MINDY4B: variants seen among roughly 807,000 people sequenced by gnomAD.
MINDY4B encodes the protein inactive ubiquitin carboxyl-terminal hydrolase MINDY-4B.
MINDY4B carries 25 observed loss-of-function variants against 16.7 expected under a neutral mutation model. The observed-to-expected ratio is 1.49, with a 90% CI of 1.09 to 2.09. The LOEUF (loss-of-function observed/expected upper bound fraction) is 2.09. Ranked by LOEUF, MINDY4B falls within the 30% of genes most tolerant of loss-of-function variation. The pLI, the probability that MINDY4B is intolerant of heterozygous loss-of-function variation, is 0.00. For synonymous variants in MINDY4B, 132 were observed against 61.9 expected, an observed-to-expected ratio of 2.13 and a Z score of -5.32; for missense variants, 327 against 168.4, an observed-to-expected ratio of 1.94 and a Z score of -5.21.
At chr3:150,903,475 T>C (rs1712163205) in intron 2 of MINDY4B, 59 bp from the exon 3 acceptor site, 1 of 398,148 alleles carries the variant, frequency 2.5e-6, no homozygotes, top group South Asian at 1.3e-4. Flanking sequence ...TGACCTTGTT[T>C]TAAATTTTCT....
At position 150,885,385 on chromosome 3, in the gene MINDY4B, G is replaced by C; in HGVS notation, c.807C>G (p.Phe269Leu). The C allele has an allele frequency of 1.4e-6, 1 of 702,752 alleles. No homozygotes were observed. Among genetic ancestry groups the C allele is most frequent in the Non-Finnish European group, 2.6e-6 (1 of 384,828 alleles). 43.5% of individuals were successfully genotyped at this position (702,752 alleles called of 1,614,324 possible). ...GVILFLYSLIFSRTFERLQMD... is the reference protein window; with the variant it reads ...GVILFLYSLILSRTFERLQMD... ...GAATTTACCTTTCAAATGTTCTAGA[G>C]AAGATCAGGCTGTACAGAAACAGGA... Residue 269 changes from phenylalanine (F) to leucine (L), a missense_variant, in exon 8 of 12, where the codon TTC becomes TTG. By Grantham distance (22) the Phe-to-Leu change is conservative. Transcript: ENST00000465419.
intron 7 of MINDY4B, among the ~76,000 whole-genome samples, chr3:150,887,810 T>C (rs1479423237): frequency 6.6e-6 from 1 of 152,134 alleles, no homozygotes; most frequent in Admixed American, 6.5e-5. Flanking sequence ...GAAATCAAGG[T>C]GTAAGAGTAG....
chr3:150,896,283 C>CTT (rs61391683), intron 3 of MINDY4B, among the ~76,000 whole-genome samples: 1 of 151,822 alleles, frequency 6.6e-6, no homozygotes, highest in Admixed American at 6.6e-5. Flanking sequence ...TTCTTATATC[C>CTT]TTTTTTGGAT....
intron 8 of MINDY4B, 52 bp downstream of exon 8, chr3:150,885,316 A>G (rs1397714419): frequency 1.4e-6 from 1 of 696,928 alleles, no homozygotes; most frequent in African/African-American, 1.8e-5. Context: ...TACATTGTTT[A>G]TGTGATCCCA....
chr3:150,898,155 A>T (rs560889206), intron 3 of MINDY4B, among the ~76,000 whole-genome samples: 1 of 152,370 alleles, frequency 6.6e-6, no homozygotes, highest in South Asian at 2.1e-4. Flanking sequence ...AAGTAAATGT[A>T]GGGTGTTATT....
At chr3:150,903,947 T>G (rs1712178455) in intron 2 of MINDY4B, among the ~76,000 whole-genome samples, 1 of 152,244 alleles carries the variant, frequency 6.6e-6, no homozygotes, top group African/African-American at 2.4e-5. Context: ...TCTTGACTGA[T>G]TCTCATGACA....
intron 3 of MINDY4B, among the ~76,000 whole-genome samples, chr3:150,897,411 G>A (rs1029283564): frequency 6.7e-6 from 1 of 150,086 alleles, no homozygotes; most frequent in Non-Finnish European, 1.5e-5. Context: ...AGATTGCAAA[G>A]TACCCTGGGC....
intron 11 of MINDY4B, among the ~76,000 whole-genome samples, chr3:150,872,285 A>G (rs1716989121): frequency 1.3e-5 from 2 of 152,242 alleles, no homozygotes. Context: ...GTGGGTTAAG[A>G]TGTATTTCTC....
At position 150,871,424 on chromosome 3, in the gene MINDY4B, G is replaced by A. The variant is rs114491163; in HGVS notation, c.1241-237C>T. 2.5e-3 allele frequency among the ~76,000 whole-genome samples: 380 copies of A among 152,054 alleles called. 1 individual carries two copies. The highest frequency in any genetic ancestry group is 8.2e-3 in the African/African-American group (341 of 41,442). On this transcript the variant is annotated intron_variant, in intron 11 of 11. Transcript: ENST00000465419. ...TAGGACGTAGTATGTGTGTTGAAAC[G>A]CCCCATACAGAATGAGTCAGTGGTA...
At chr3:150,888,968 A>G (rs2107903663) in intron 7 of MINDY4B, among the ~76,000 whole-genome samples, 1 of 152,222 alleles carries the variant, frequency 6.6e-6, no homozygotes, top group African/African-American at 2.4e-5. Flanking sequence ...TGAAAGGGTC[A>G]TTTCTTAAAT....
intron 10 of MINDY4B, among the ~76,000 whole-genome samples, chr3:150,873,679 A>G (rs1200943798): frequency 6.6e-6 from 1 of 152,224 alleles, no homozygotes; most frequent in Non-Finnish European, 1.5e-5. Context: ...TAAATATATA[A>G]ACTAAAATAG....
intron 8 of MINDY4B, among the ~76,000 whole-genome samples, chr3:150,884,912 AC>A (rs1247278962): frequency 6.6e-6 from 1 of 151,942 alleles, no homozygotes; most frequent in Non-Finnish European, 1.5e-5. Context: ...CTCTGTGTAC[AC>A]CCCTTGTCTT....
chr3:150,887,404 C>A (rs771815390), intron 7 of MINDY4B, among the ~76,000 whole-genome samples: 23 of 152,184 alleles, frequency 1.5e-4, no homozygotes, highest in African/African-American at 3.6e-4. Context: ...GGTAATGGAA[C>A]CAGCAGAAAG....
In MINDY4B at chr3:150,873,975, T is replaced by C. The variant is rs555251453; in HGVS notation, c.1060-608A>G. Reference sequence around the variant, plus strand: ...GACAGCAGCTTGTTATCGGTTTTTTTCTAAGTACTTGTCAATCAATTTAGC... The same window carrying C: ...GACAGCAGCTTGTTATCGGTTTTTTCCTAAGTACTTGTCAATCAATTTAGC... On this transcript the variant is annotated intron_variant, in intron 10 of 11. Transcript: ENST00000465419. 5.3e-5 allele frequency among the ~76,000 whole-genome samples: 8 copies of C among 151,972 alleles called. No individual in the cohort carries two copies. The South Asian group carries it at 6.2e-4, about 12-fold the overall frequency.
At position 150,885,541 on chromosome 3, in the gene MINDY4B, C is replaced by A. The variant is rs372957537; in HGVS notation, c.754-103G>T. 9 of 665,704 alleles carry A rather than the reference C, an allele frequency of 1.4e-5. No individual in the cohort carries two copies. The African/African-American group carries it at 1.4e-4, about 11-fold the overall frequency. 41.2% of individuals were successfully genotyped at this position (665,704 alleles called of 1,614,324 possible). On this transcript the variant is annotated intron_variant, in intron 7 of 11. Transcript: ENST00000465419. ...ATTTACAGGCTGAGAGAATTTTTTC[C>A]CCCTGGCTGCTGAAAGGAATGAGCT...
At chr3:150,882,646 A>G (rs1403744212) in intron 10 of MINDY4B, among the ~76,000 whole-genome samples, 1 of 151,892 alleles carries the variant, frequency 6.6e-6, no homozygotes, top group African/African-American at 2.4e-5. Context: ...TTGCTTTAAA[A>G]ATGTATGTAT....
At chr3:150,897,538 G>C (rs1048421381) in intron 3 of MINDY4B, among the ~76,000 whole-genome samples, 3 of 152,174 alleles carry the variant, frequency 2.0e-5, no homozygotes, top group Non-Finnish European at 4.4e-5. Context: ...TCCCAGCTGT[G>C]CATGGAGCAG....
At chr3:150,882,562 GTGTATA>G (rs1295169040) in intron 10 of MINDY4B, among the ~76,000 whole-genome samples, 1 of 93,112 alleles carries the variant, frequency 1.1e-5, no homozygotes, top group Non-Finnish European at 2.1e-5. Flanking sequence ...ATGTGTATGT[GTGTATA>G]TATATATATA....
intron 2 of MINDY4B, among the ~76,000 whole-genome samples, 165 bp downstream of exon 2, chr3:150,904,897 A>G (rs539217071): frequency 2.1e-3 from 327 of 152,368 alleles, no homozygotes; most frequent in Middle Eastern, 3.4e-3. Flanking sequence ...AAAAAAGCAC[A>G]AGAAAAAAAT....
Sources: allele counts gnomAD v4.1 joint callset (sites outside exome capture counted in the v4.1 genomes callset), GRCh38; gene constraint gnomAD v4.1.1; transcripts MANE v1.5; gene names NCBI Gene and HGNC (gene_info 2026-07-23, HGNC 2026-07-21).